Variants in BIN2 observed in about 807,000 individuals in gnomAD.
BIN2 encodes the protein bridging integrator 2, also known as breast cancer associated protein BRAP1.
A neutral mutation model predicts 67.9 loss-of-function variants in BIN2; 43 were observed. The observed-to-expected ratio is 0.63, with a 90% CI of 0.50 to 0.82. The LOEUF (loss-of-function observed/expected upper bound fraction) is 0.82. Among genes scored for constraint, BIN2 ranks in the 40% least tolerant of loss-of-function variants. The probability of loss-of-function intolerance (pLI) is 0.00; values close to 1 mark genes in which losing one functional copy is unlikely to be tolerated. For missense variants in BIN2, 581 were observed against 671.6 expected (o/e 0.87, Z 1.49); for synonymous variants, 244 against 246.8 (o/e 0.99, Z 0.11).
intron 5 of BIN2, 78 bp downstream of exon 5, chr12:51,301,942 T>C: frequency 1.0e-6 from 1 of 1,004,092 alleles, no homozygotes; most frequent in East Asian, 2.4e-5. Context: ...CTAATTCTAC[T>C]TATAATGCTT....
At position 51,324,098 on chromosome 12, in the gene BIN2, G is replaced by T. The variant is rs1565695821; in HGVS notation, c.5C>A (p.Ala2Glu). 1.9e-6 allele frequency: 3 copies of T among 1,613,262 alleles called. No homozygotes were observed. In the South Asian group the frequency reaches 3.3e-5, roughly 18 times the overall value. The change falls in exon 1 of 13, where the codon GCA becomes GAA. Residue 2 changes from alanine (A) to glutamate (E), a missense_variant. By Grantham distance (107) the Ala-to-Glu change is moderately radical. Transcript: ENST00000615107. ...GGCCGCGCCGCCTGCCTTGCCCTCT[G>T]CCATCCTGCCAACTCCCTGGGGGCC... M[A>E]EGKAGGAAGL...
At chr12:51,296,474 G>T (rs1945569942) in intron 8 of BIN2, among the ~76,000 whole-genome samples, 1 of 151,116 alleles carries the variant, frequency 6.6e-6, no homozygotes, top group Admixed American at 6.6e-5. Flanking sequence ...TCCAGCCTAG[G>T]TGCCAGAGCA....
intron 10 of BIN2, 50 bp from the exon 11 acceptor site, chr12:51,288,238 G>A (rs1367238460): frequency 2.7e-6 from 4 of 1,491,584 alleles, no homozygotes; most frequent in Non-Finnish European, 3.7e-6. Flanking sequence ...CCTTCCACCT[G>A]GGGGCCATCC....
intron 2 of BIN2, 95 bp from the exon 3 acceptor site, chr12:51,303,236 C>T: frequency 2.4e-6 from 3 of 1,232,288 alleles, no homozygotes; most frequent in African/African-American, 1.5e-5. Flanking sequence ...GAGCAGAAAT[C>T]ACACCTGGAA....
At chr12:51,298,450 AGCTGAGGTGGGAGAATT>A (rs1440984551) in intron 7 of BIN2, among the ~76,000 whole-genome samples, 1 of 151,928 alleles carries the variant, frequency 6.6e-6, no homozygotes, top group African/African-American at 2.4e-5. Context: ...CTACTCAGGA[AGCTGAGGTGGGAGAATT>A]GCTTGAACCC....
intron 1 of BIN2, among the ~76,000 whole-genome samples, chr12:51,316,147 T>C (rs549970134): frequency 1.3e-5 from 2 of 152,258 alleles, no homozygotes; most frequent in Admixed American, 1.3e-4. Context: ...TGCTGCTCCT[T>C]AAAATCTTCT....
intron 1 of BIN2, among the ~76,000 whole-genome samples, chr12:51,317,376 A>T (rs943769744): frequency 6.6e-6 from 1 of 152,160 alleles, no homozygotes; most frequent in Admixed American, 6.6e-5. Context: ...AGACTGAAAT[A>T]GAGTATAGGG....
At chr12:51,314,725 G>A (rs1047458717) in intron 1 of BIN2, among the ~76,000 whole-genome samples, 4 of 151,376 alleles carry the variant, frequency 2.6e-5, no homozygotes, top group African/African-American at 9.7e-5. Flanking sequence ...CTTGAACCCA[G>A]CAGGCAGAGG....
At chr12:51,299,407 T>TC in intron 6 of BIN2, 119 bp from the exon 7 acceptor site, 2 of 1,058,954 alleles carry the variant, frequency 1.9e-6, no homozygotes, top group South Asian at 2.7e-5. Context: ...TCCCTCTTCT[T>TC]CCCCTGACCA....
chr12:51,312,842 G>A (rs1465461441), intron 2 of BIN2, among the ~76,000 whole-genome samples: 1 of 152,086 alleles, frequency 6.6e-6, no homozygotes, highest in Non-Finnish European at 1.5e-5. Flanking sequence ...AAATGATTCT[G>A]ATATACACTC....
At chr12:51,299,131 T>C (rs773525946) in intron 7 of BIN2, 72 bp downstream of exon 7, 17 of 1,078,838 alleles carry the variant, frequency 1.6e-5, no homozygotes, top group Non-Finnish European at 2.4e-5. Flanking sequence ...AACACTTTTA[T>C]CTACTTACTG....
chr12:51,302,647 G>A, intron 4 of BIN2, 39 bp downstream of exon 4: 2 of 1,514,064 alleles, frequency 1.3e-6, no homozygotes, highest in Non-Finnish European at 1.8e-6. Flanking sequence ...GCAAACAGGA[G>A]TAAGTGCCAA....
At chr12:51,298,076 C>G (rs1945618344) in intron 7 of BIN2, among the ~76,000 whole-genome samples, 1 of 150,376 alleles carries the variant, frequency 6.6e-6, no homozygotes, top group African/African-American at 2.5e-5. Flanking sequence ...TGAAACCTGT[C>G]AAAAAATACA....
chr12:51,302,859 G>T, intron 3 of BIN2, 79 bp from the exon 4 acceptor site: 1 of 1,320,856 alleles, frequency 7.6e-7, no homozygotes, highest in Non-Finnish European at 1.1e-6. Context: ...CAAATCAGTG[G>T]TTCCAATTCA....
At chr12:51,324,451 G>A (rs909235414), upstream of BIN2, 4 of 1,502,702 alleles carry the variant, frequency 2.7e-6, no homozygotes, top group Admixed American at 6.4e-5. Context: ...GCTGAGCACT[G>A]CAAAGCAACT....
intron 7 of BIN2, among the ~76,000 whole-genome samples, chr12:51,298,279 G>A (rs1252417835): frequency 6.6e-6 from 1 of 152,208 alleles, no homozygotes; most frequent in Admixed American, 6.5e-5. Flanking sequence ...GGCTGAGGCA[G>A]GAGAATCGCT....
In BIN2 at chr12:51,291,966, AG is replaced by A. The variant is rs771099064; in HGVS notation, c.1139del (p.Pro380LeufsTer8). ...GGACTACTTCTGTGGCAGATGATGA[AG>A]GCTGCCCTGAAGGGCTCAGGGCTCC... ...PGGALSPSGQ[P>X]SSSATEVVLR... On this transcript the variant is annotated frameshift_variant, in exon 10 of 13. Transcript: ENST00000615107. LOFTEE classifies it high-confidence loss of function. 1.1e-5 allele frequency: 18 copies of A among 1,614,010 alleles called. No individual in the cohort carries two copies. In the African/African-American group the frequency reaches 2.4e-4, roughly 22 times the overall value.
chr12:51,313,148 G>A (rs967081466), intron 2 of BIN2, among the ~76,000 whole-genome samples: 15 of 148,836 alleles, frequency 1.0e-4, no homozygotes, highest in Non-Finnish European at 2.2e-4. Flanking sequence ...TGAGGCAGGA[G>A]AATTGCCTGA....
intron 1 of BIN2, among the ~76,000 whole-genome samples, chr12:51,317,830 CA>C (rs1282124785): frequency 6.6e-6 from 1 of 151,522 alleles, no homozygotes; most frequent in African/African-American, 2.4e-5. Flanking sequence ...CTACTAAAAA[CA>C]CAAAAAATTA....
Sources: gnomAD v4.1 joint callset for allele counts (sites outside exome capture counted in the v4.1 genomes callset) on GRCh38, gnomAD v4.1.1 for gene constraint, MANE v1.5 for transcripts, NCBI Gene and HGNC (gene_info 2026-07-23, HGNC 2026-07-21) for gene names.